Variants in ACMSD observed in about 807,000 individuals in gnomAD.
ACMSD encodes the protein 2-amino-3-carboxymuconate-6-semialdehyde decarboxylase.
In ACMSD, 37 loss-of-function variants were observed where a neutral mutation model predicts 45.9. The ratio of observed to expected loss-of-function variants is 0.81; its 90% confidence interval spans 0.62 to 1.06. The LOEUF (loss-of-function observed/expected upper bound fraction) is 1.06. ACMSD is among the 50% of genes least tolerant of loss of function. ACMSD has a pLI of 0.00. For synonymous variants in ACMSD, 138 were observed against 148.8 expected (o/e 0.93, Z 0.53); for missense variants, 434 against 420.9 (o/e 1.03, Z -0.27).
At position 134,885,349 on chromosome 2, in the gene ACMSD, A is replaced by AATATATATGTAAAT. The variant is rs1319628085; in HGVS notation, c.849+12716_849+12717insGTAAATATATATAT. On this transcript the variant is annotated intron_variant, in intron 8 of 9. Coordinates refer to ENST00000356140, the MANE Select transcript of ACMSD (RefSeq NM_138326.3). ...TATATGTAAATATATATTTATATAT[A>AATATATATGTAAAT]ATATATATTTACATATATATTATAT... 5.7e-5 allele frequency among the ~76,000 whole-genome samples: 6 copies of AATATATATGTAAAT among 104,928 alleles called. 1 individual carries two copies. In the East Asian group the frequency reaches 1.1e-3, roughly 19 times the overall value. The allele number at this position is 104,928 out of a possible 152,430, so 68.8% of individuals were successfully genotyped here.
chr2:134,862,424 C>A (rs749130671), intron 4 of ACMSD, among the ~76,000 whole-genome samples: 1 of 152,112 alleles, frequency 6.6e-6, no homozygotes, highest in Non-Finnish European at 1.5e-5. Flanking sequence ...AAGGGAAAAA[C>A]ACAATTCAGA....
At chr2:134,895,882 T>G (rs1038832084) in intron 8 of ACMSD, among the ~76,000 whole-genome samples, 3 of 151,928 alleles carry the variant, frequency 2.0e-5, no homozygotes, top group African/African-American at 7.3e-5. Flanking sequence ...ATGCAAGGGA[T>G]CCAGAATAGC....
intron 8 of ACMSD, among the ~76,000 whole-genome samples, chr2:134,884,320 G>A (rs1689207493): frequency 6.6e-6 from 1 of 152,074 alleles, no homozygotes; most frequent in African/African-American, 2.4e-5. Context: ...GCAGAAGGGT[G>A]ATTTTCATTT....
At chr2:134,870,781 G>C (rs891911435) in intron 6 of ACMSD, among the ~76,000 whole-genome samples, 184 bp from the exon 7 acceptor site, 1 of 152,122 alleles carries the variant, frequency 6.6e-6, no homozygotes, top group Admixed American at 6.5e-5. Context: ...CCCTTCAAGT[G>C]GCAAGTAGGA....
At chr2:134,867,011 G>C (rs1688129378) in intron 5 of ACMSD, among the ~76,000 whole-genome samples, 1 of 152,230 alleles carries the variant, frequency 6.6e-6, no homozygotes, top group Admixed American at 6.5e-5. Flanking sequence ...TGGGCTCTGA[G>C]TAACCAGGTG....
chr2:134,886,271 C>G (rs1214726253), intron 8 of ACMSD, among the ~76,000 whole-genome samples: 2 of 99,386 alleles, frequency 2.0e-5, no homozygotes, highest in South Asian at 2.9e-4. Flanking sequence ...TTTTTTTTGG[C>G]AGAGTCTCGC....
chr2:134,858,730 G>C (rs1263634559), intron 2 of ACMSD, among the ~76,000 whole-genome samples: 1 of 151,990 alleles, frequency 6.6e-6, no homozygotes, highest in Non-Finnish European at 1.5e-5. Context: ...ACCAAATTTT[G>C]TGCTTGCTAC....
intron 5 of ACMSD, among the ~76,000 whole-genome samples, chr2:134,865,579 C>T (rs1688059089): frequency 6.6e-6 from 1 of 152,124 alleles, no homozygotes; most frequent in Admixed American, 6.5e-5. Context: ...CTTATGATGT[C>T]CTGGGGGTGG....
At chr2:134,869,926 G>A (rs191114132) in intron 6 of ACMSD, among the ~76,000 whole-genome samples, 2 of 152,292 alleles carry the variant, frequency 1.3e-5, no homozygotes, top group Non-Finnish European at 2.9e-5. Flanking sequence ...AGAAGAAAGT[G>A]ATGCCATCCA....
chr2:134,885,738 T>C (rs1048540245), intron 8 of ACMSD, among the ~76,000 whole-genome samples: 2 of 152,182 alleles, frequency 1.3e-5, no homozygotes, highest in Admixed American at 6.5e-5. Flanking sequence ...CAGTTAAGGA[T>C]GACAGCCTCT....
chr2:134,886,257 T>A (rs1361984391), intron 8 of ACMSD, among the ~76,000 whole-genome samples: 1 of 141,104 alleles, frequency 7.1e-6, no homozygotes, highest in African/African-American at 2.7e-5. Flanking sequence ...TTTTTTTTTT[T>A]TTTTTTTTTT....
intron 8 of ACMSD, among the ~76,000 whole-genome samples, chr2:134,895,328 T>TTACATATATAATATA (rs1553516998): frequency 1.4e-5 from 2 of 141,586 alleles, no homozygotes; most frequent in East Asian, 4.1e-4. Context: ...TATATATATG[T>TTACATATATAATATA]TATATATATA....
chr2:134,887,122 G>A (rs1286818672), intron 8 of ACMSD, among the ~76,000 whole-genome samples: 1 of 152,122 alleles, frequency 6.6e-6, no homozygotes, highest in Non-Finnish European at 1.5e-5. Flanking sequence ...TCATGTTTAT[G>A]GATCAGAGAA....
At chr2:134,867,990 A>G (rs1688195130) in intron 6 of ACMSD, among the ~76,000 whole-genome samples, 1 of 152,222 alleles carries the variant, frequency 6.6e-6, no homozygotes, top group African/African-American at 2.4e-5. Flanking sequence ...CACACAGTTA[A>G]TACATGAAAA....
At chr2:134,886,825 A>T (rs1299119077) in intron 8 of ACMSD, among the ~76,000 whole-genome samples, 1 of 152,200 alleles carries the variant, frequency 6.6e-6, no homozygotes, top group African/African-American at 2.4e-5. Context: ...ACATGACATA[A>T]TTGTTTATGT....
chr2:134,841,581 G>A (rs1686810269), intron 1 of ACMSD, among the ~76,000 whole-genome samples: 1 of 152,106 alleles, frequency 6.6e-6, no homozygotes, highest in South Asian at 2.1e-4. Flanking sequence ...TCTGATGAAT[G>A]AGGACCCACA....
chr2:134,869,262 G>T (rs1688295477), intron 6 of ACMSD, among the ~76,000 whole-genome samples: 1 of 151,932 alleles, frequency 6.6e-6, no homozygotes, highest in Non-Finnish European at 1.5e-5. Context: ...GCCCAGGCTG[G>T]AGTGCAGTGG....
intron 8 of ACMSD, among the ~76,000 whole-genome samples, chr2:134,889,809 G>A (rs1390965489): frequency 1.3e-5 from 2 of 151,946 alleles, no homozygotes; most frequent in African/African-American, 4.8e-5. Flanking sequence ...GATTCACATT[G>A]AGCAAACCTG....
chr2:134,842,092 G>T (rs1478478462), intron 1 of ACMSD, among the ~76,000 whole-genome samples: 1 of 152,058 alleles, frequency 6.6e-6, no homozygotes. Context: ...GTTTTCAATT[G>T]TTTATTTGGC....
Sources: gnomAD v4.1 joint callset for allele counts (sites outside exome capture counted in the v4.1 genomes callset) on GRCh38, gnomAD v4.1.1 for gene constraint, MANE v1.5 for transcripts, NCBI Gene and HGNC (gene_info 2026-07-23, HGNC 2026-07-21) for gene names.